NCALD: variants seen among roughly 807,000 people sequenced by gnomAD.
NCALD encodes the protein neurocalcin delta.
NCALD carries 10 observed loss-of-function variants against 18.6 expected under a neutral mutation model. That is an observed-to-expected ratio of 0.54 (90% CI 0.33 to 0.91). The LOEUF (loss-of-function observed/expected upper bound fraction) is 0.91. NCALD is among the 40% of genes least tolerant of loss of function. The pLI, the probability that NCALD is intolerant of heterozygous loss-of-function variation, is 0.03. For missense variants in NCALD, 184 were observed against 247.6 expected (o/e 0.74, Z 1.72); for synonymous variants, 88 against 87.4 (o/e 1.01, Z -0.04).
intron 3 of NCALD, among the ~76,000 whole-genome samples, chr8:101,898,663 T>C (rs1421504353): frequency 2.6e-5 from 4 of 152,150 alleles, no homozygotes; most frequent in Admixed American, 2.6e-4. Flanking sequence ...TTTAAGTGTA[T>C]GATCTATTTT....
Position 101,978,644 on chromosome 8 carries a change from AGGTGGTGGT to A in NCALD, c.-157+41584_-157+41592del, listed in dbSNP as rs3056902. ...CAACTGAAGCATGCATAATGTGTGCAGGTGGTGGTGGTGGTGGTGGTGAGGACACTGTTT... is the reference window on the plus strand; with the variant it reads ...CAACTGAAGCATGCATAATGTGTGCAGGTGGTGGTGGTGAGGACACTGTTT... On this transcript the variant is annotated intron_variant, in intron 2 of 6. Transcript: ENST00000311028. Among the ~76,000 whole-genome samples, 4 of 151,886 alleles carry A rather than the reference AGGTGGTGGT, an allele frequency of 2.6e-5. No individual in the cohort carries two copies. In the East Asian group the frequency reaches 7.7e-4, roughly 29 times the overall value.
intron 2 of NCALD, among the ~76,000 whole-genome samples, chr8:101,944,690 TC>T (rs762178050): frequency 6.6e-5 from 10 of 152,138 alleles, no homozygotes; most frequent in Non-Finnish European, 1.5e-4. Context: ...CAGTATTTCT[TC>T]CTATTCCCTC....
At chr8:101,925,369 T>C (rs1818300253) in intron 2 of NCALD, among the ~76,000 whole-genome samples, 1 of 151,688 alleles carries the variant, frequency 6.6e-6, no homozygotes, top group Non-Finnish European at 1.5e-5. Context: ...AGGTGCTCAC[T>C]TCAGAAGGCA....
intron 3 of NCALD, among the ~76,000 whole-genome samples, chr8:101,890,438 T>C (rs1044474341): frequency 2.6e-5 from 4 of 152,168 alleles, no homozygotes; most frequent in African/African-American, 9.7e-5. Context: ...TGAATGACAG[T>C]GTCCCCTCTA....
At chr8:101,809,923 A>G (rs1187977493) in intron 4 of NCALD, among the ~76,000 whole-genome samples, 1 of 152,148 alleles carries the variant, frequency 6.6e-6, no homozygotes, top group African/African-American at 2.4e-5. Context: ...TACATTTATA[A>G]ATCTGACTTT....
chr8:101,765,756 G>A (rs1811321950), intron 1 of NCALD, among the ~76,000 whole-genome samples: 4 of 152,268 alleles, frequency 2.6e-5, no homozygotes, highest in South Asian at 4.2e-4. Context: ...AAGCACCAGG[G>A]TGCCCTGGAA....
intron 1 of NCALD, among the ~76,000 whole-genome samples, chr8:101,768,174 G>A (rs913262790): frequency 1.3e-5 from 2 of 152,174 alleles, no homozygotes; most frequent in Non-Finnish European, 2.9e-5. Context: ...GATTCTGAGT[G>A]GTGAGCTATA....
intron 4 of NCALD, among the ~76,000 whole-genome samples, chr8:101,846,067 T>G (rs1814855947): frequency 6.6e-6 from 1 of 152,226 alleles, no homozygotes; most frequent in South Asian, 2.1e-4. Context: ...TCTTTATCCA[T>G]TCATCTGCTG....
chr8:101,982,660 G>A (rs938952437), intron 2 of NCALD, among the ~76,000 whole-genome samples: 5 of 152,044 alleles, frequency 3.3e-5, no homozygotes, highest in Admixed American at 3.3e-4. Flanking sequence ...CTAACATGGT[G>A]AAACTCCGTC....
At chr8:101,895,396 C>T (rs1348562365) in intron 3 of NCALD, among the ~76,000 whole-genome samples, 2 of 149,824 alleles carry the variant, frequency 1.3e-5, no homozygotes, top group Non-Finnish European at 2.9e-5. Flanking sequence ...GACAAACCCA[C>T]AGCCAATATC....
intron 1 of NCALD, among the ~76,000 whole-genome samples, chr8:102,052,088 T>C (rs950018883): frequency 3.3e-5 from 5 of 152,194 alleles, no homozygotes; most frequent in African/African-American, 1.2e-4. Context: ...ATGGGAAGAA[T>C]CTCTCAGAAG....
chr8:102,116,641 C>T (rs1217559681), intron 1 of NCALD, among the ~76,000 whole-genome samples: 1 of 152,052 alleles, frequency 6.6e-6, no homozygotes, highest in Non-Finnish European at 1.5e-5. Context: ...TGCCAAGAGG[C>T]CTAATTTTTT....
Position 101,804,921 on chromosome 8 carries a change from C to T in NCALD, c.-20+82220G>A, listed in dbSNP as rs142598835. ...ATGCCTGTACACTGCAACCTATAAA[C>T]ATTTTGAACTGAATGACAAAAATAT... On this transcript the variant is annotated intron_variant, in intron 4 of 6. Transcript: ENST00000311028. 7.3e-3 allele frequency among the ~76,000 whole-genome samples: 1,115 copies of T among 151,790 alleles called. 10 individuals carry two copies. The highest frequency in any genetic ancestry group is 0.031 in the Middle Eastern group (9 of 292).
At chr8:101,938,555 G>A (rs550621473) in intron 2 of NCALD, among the ~76,000 whole-genome samples, 7 of 152,180 alleles carry the variant, frequency 4.6e-5, no homozygotes, top group African/African-American at 1.2e-4. Context: ...ATAATAATGC[G>A]AAGACAAGAT....
chr8:101,834,423 T>C (rs1563811698), intron 4 of NCALD, among the ~76,000 whole-genome samples: 2 of 152,236 alleles, frequency 1.3e-5, no homozygotes, highest in African/African-American at 4.8e-5. Context: ...AGCTATTCAC[T>C]CCGTGCCCCT....
chr8:101,804,350 ATATAAT>A (rs1292646106), intron 4 of NCALD, among the ~76,000 whole-genome samples: 81 of 129,668 alleles, frequency 6.2e-4, no homozygotes, highest in African/African-American at 2.2e-3. Context: ...TATATATTAT[ATATAAT>A]TATATCAATT....
At chr8:101,758,893 C>T (rs150025702) in intron 1 of NCALD, among the ~76,000 whole-genome samples, 3 of 152,300 alleles carry the variant, frequency 2.0e-5, no homozygotes, top group African/African-American at 7.2e-5. Context: ...TCCCAACCTA[C>T]TTAAATTGGA....
Position 101,898,482 on chromosome 8 carries a change from A to T in NCALD, c.-106-11255T>A, listed in dbSNP as rs145578517. Among the ~76,000 whole-genome samples the T allele has an allele frequency of 2.6e-3, 389 of 152,290 alleles. 3 individuals carry two copies. The highest frequency in any genetic ancestry group is 0.011 in the South Asian group (55 of 4,828). ...TAGCTTCTTTTCATCCTTCTAACAC[A>T]GTTCTTCATAGAACAAACATTTTAA... On this transcript the variant is annotated intron_variant, in intron 3 of 6. Coordinates refer to the NCALD transcript ENST00000311028.
chr8:101,815,474 G>T (rs1325009598), intron 4 of NCALD, among the ~76,000 whole-genome samples: 2 of 152,026 alleles, frequency 1.3e-5, no homozygotes, highest in Non-Finnish European at 2.9e-5. Context: ...GAAACAACTT[G>T]ATTAAAATGT....
Sources: gnomAD v4.1 joint callset for allele counts (sites outside exome capture counted in the v4.1 genomes callset) on GRCh38, gnomAD v4.1.1 for gene constraint, MANE v1.5 for transcripts, NCBI Gene and HGNC (gene_info 2026-07-23, HGNC 2026-07-21) for gene names.